Variants in PAK3 observed in about 807,000 individuals in gnomAD.
The protein encoded by PAK3 is serine/threonine-protein kinase PAK 3.
Under a neutral mutation model 41.0 loss-of-function variants are expected in PAK3, and 4 were observed. That is an observed-to-expected ratio of 0.10 (90% CI 0.05 to 0.22). The LOEUF is 0.22. Among genes scored for constraint, PAK3 ranks in the 10% least tolerant of loss-of-function variants. PAK3 has a pLI of 1.00. For missense variants in PAK3, 205 were observed against 409.9 expected (o/e 0.50, Z 4.32); for synonymous variants, 146 against 139.6 (o/e 1.05, Z -0.32).
rs2094956248 is a variant in PAK3, at chrX:111,226,961, C to T, written c.*6514C>T. On this transcript the variant is annotated 3_prime_UTR_variant, in exon 18 of 18. Transcript: ENST00000372007. ...TCTACTGGGATTATACTCATAACAT[C>T]TACACAAAACAAGTTGAGAAGGATC... The T allele has an allele frequency of 3.6e-5, 4 of 112,259 alleles. No individual in the cohort carries two copies. The highest frequency in any genetic ancestry group is 3.8e-5 in the Non-Finnish European group (2 of 53,301). The allele number at this position is 112,259 out of a possible 1,213,427, so 9.3% of individuals were successfully genotyped here. A position where few individuals can be genotyped will look rare whatever the true frequency, so the allele number is the denominator to read the frequency against.
At chrX:111,148,571 G>A (rs972814287) in intron 7 of PAK3, among the ~76,000 whole-genome samples, 1 of 111,436 alleles carries the variant, frequency 9.0e-6, no homozygotes, top group Admixed American at 9.5e-5. Flanking sequence ...CACATGGCTG[G>A]TGAGACCTCA....
upstream of PAK3, among the ~76,000 whole-genome samples, chrX:111,091,460 A>C (rs1333440705): frequency 8.9e-6 from 1 of 112,104 alleles, no homozygotes. Context: ...ACTAGTGCCC[A>C]GCGAAATTTG....
chrX:111,011,510 AG>A (rs766982616), intron 1 of PAK3, among the ~76,000 whole-genome samples: 110 of 112,465 alleles, frequency 9.8e-4, no homozygotes, highest in African/African-American at 3.5e-3. Context: ...GTAGACATGC[AG>A]GACAGTGGAC....
At position 110,951,765 on chromosome X, in the gene PAK3, C is replaced by T. The variant is rs774557102; in HGVS notation, c.-28+7137C>T. On this transcript the variant is annotated intron_variant, in intron 1 of 14. Transcript: ENST00000425146. ...TTTCCAACTAGAACTGTGTCGAAAG[C>T]GTTTTCCAACGTTAAATCACTCTAA... Among the ~76,000 whole-genome samples, 6 of 112,488 alleles carry T rather than the reference C, an allele frequency of 5.3e-5. No homozygotes were observed. In the South Asian group the frequency reaches 1.1e-3, roughly 21 times the overall value.
Position 111,163,711 on chromosome X carries a change from G to T in PAK3, c.750G>T (p.Glu250Asp). The change falls in exon 10 of 18, where the codon GAG becomes GAT. Residue 250 changes from glutamate to aspartate, a missense_variant. Glu to Asp is a conservative substitution (Grantham distance 45, BLOSUM62 2). Transcript: ENST00000372007. Reference sequence around the variant, plus strand: ...AAAAATCCAAGATGACAGATGAGGAGATCTTAGAGAAGCTAAGTGAGTACT... The same window carrying T: ...AAAAATCCAAGATGACAGATGAGGATATCTTAGAGAAGCTAAGTGAGTACT... ...QRKKSKMTDE[E>D]ILEKLRSIVS... is the part of the protein sequence containing the mutation. The T allele has an allele frequency of 8.4e-7, 1 of 1,194,973 alleles. No homozygotes were observed. The highest frequency in any genetic ancestry group is 1.1e-6 in the Non-Finnish European group (1 of 880,608).
chrX:110,972,510 G>C (rs748175577), intron 1 of PAK3, among the ~76,000 whole-genome samples: 14 of 111,599 alleles, frequency 1.3e-4, no homozygotes, highest in Non-Finnish European at 2.1e-4. Context: ...GAAAGGAATA[G>C]CATCAACATC....
intron 14 of PAK3, among the ~76,000 whole-genome samples, chrX:111,195,556 A>G (rs1472920977): frequency 8.9e-6 from 1 of 112,178 alleles, no homozygotes; most frequent in Non-Finnish European, 1.9e-5. Flanking sequence ...GCCAAAGTAT[A>G]TTAATTGGTT....
chrX:111,076,474 A>G (rs976701573), intron 1 of PAK3, among the ~76,000 whole-genome samples: 2 of 111,910 alleles, frequency 1.8e-5, no homozygotes, highest in Non-Finnish European at 3.8e-5. Context: ...CTCTTGTGAT[A>G]TGATGTGTCT....
At chrX:111,106,019 C>T (rs989374793) in intron 4 of PAK3, among the ~76,000 whole-genome samples, 3 of 111,602 alleles carry the variant, frequency 2.7e-5, no homozygotes, top group East Asian at 2.8e-4. Flanking sequence ...TTCACATTCA[C>T]GACTGTACAC....
chrX:110,963,866 A>G (rs755343135), intron 1 of PAK3, among the ~76,000 whole-genome samples: 9 of 112,107 alleles, frequency 8.0e-5, no homozygotes, highest in African/African-American at 2.3e-4. Context: ...TCAAAGTGCT[A>G]TATCAGCGTG....
chrX:111,101,426 T>C (rs1445597938), intron 3 of PAK3, among the ~76,000 whole-genome samples: 1 of 111,642 alleles, frequency 9.0e-6, no homozygotes, highest in Non-Finnish European at 1.9e-5. Context: ...TAAAAAGTGG[T>C]GCTACAATTG....
intron 1 of PAK3, among the ~76,000 whole-genome samples, chrX:110,958,611 G>T (rs2090914246): frequency 8.9e-6 from 1 of 111,849 alleles, no homozygotes; most frequent in East Asian, 2.8e-4. Flanking sequence ...CGTGATGAAA[G>T]GTGTCCATTT....
At chrX:111,081,920 C>T (rs777672235) in intron 1 of PAK3, among the ~76,000 whole-genome samples, 1 of 111,439 alleles carries the variant, frequency 9.0e-6, no homozygotes, top group Non-Finnish European at 1.9e-5. Context: ...CTATGTCTAG[C>T]ATGCTTCTTG....
At chrX:111,096,844 T>C (rs1403296435) in intron 1 of PAK3, 1 of 67,152 alleles carries the variant, frequency 1.5e-5, no homozygotes, top group African/African-American at 5.7e-5. Flanking sequence ...TCTGGCCAAG[T>C]CCGGGGTAGA....
chrX:110,954,911 G>A (rs2090823299), intron 1 of PAK3, among the ~76,000 whole-genome samples: 2 of 111,120 alleles, frequency 1.8e-5, no homozygotes, highest in African/African-American at 3.3e-5. Flanking sequence ...TGGGAGGCAG[G>A]GAGTGACTTC....
rs1371231150 is a variant in PAK3, at chrX:111,225,509, G to A, written c.*5062G>A. On this transcript the variant is annotated 3_prime_UTR_variant, in exon 18 of 18. Transcript: ENST00000372007. ...CAAATGCTATCCCATAATACCAGCA[G>A]TAAGCCTGGCAACATGTTCAACAGA... 3 of 112,106 alleles carry A rather than the reference G, an allele frequency of 2.7e-5. No homozygotes were observed. The highest frequency in any genetic ancestry group is 9.5e-5 in the Admixed American group (1 of 10,581). The allele number at this position is 112,106 out of a possible 1,213,427, so 9.2% of individuals were successfully genotyped here.
chrX:111,220,634 C>T lies in PAK3; in HGVS notation c.*187C>T, dbSNP rs189931069. 193 of 454,713 alleles carry T rather than the reference C, an allele frequency of 4.2e-4. No homozygotes were observed. In the African/African-American group the frequency reaches 4.4e-3, roughly 10 times the overall value. The allele number at this position is 454,713 out of a possible 1,213,427, so 37.5% of individuals were successfully genotyped here. A position where few individuals can be genotyped will look rare whatever the true frequency, so the allele number is the denominator to read the frequency against. On this transcript the variant is annotated 3_prime_UTR_variant, in exon 18 of 18. Coordinates refer to ENST00000372007, the MANE Select transcript of PAK3 (RefSeq NM_002578.5). Reference sequence around the variant, plus strand: ...ATGTAATTTATTTGTAAGCCTGAATCGCAGCCCAAACAGGGCAGCAATGTT... The same window carrying T: ...ATGTAATTTATTTGTAAGCCTGAATTGCAGCCCAAACAGGGCAGCAATGTT...
chrX:111,188,514 G>T (rs1160299608), intron 11 of PAK3, among the ~76,000 whole-genome samples: 1 of 111,665 alleles, frequency 9.0e-6, no homozygotes. Flanking sequence ...CCCTAGGGGG[G>T]GAGAAAGGAT....
At chrX:110,969,192 C>T (rs1301564108) in intron 1 of PAK3, among the ~76,000 whole-genome samples, 4 of 93,955 alleles carry the variant, frequency 4.3e-5, no homozygotes, top group Non-Finnish European at 8.2e-5. Context: ...AGGTGATCTG[C>T]CCACATTGAG....
Sources: allele counts gnomAD v4.1 joint callset (sites outside exome capture counted in the v4.1 genomes callset), GRCh38; gene constraint gnomAD v4.1.1; transcripts MANE v1.5; gene names NCBI Gene and HGNC (gene_info 2026-07-23, HGNC 2026-07-21).